TXNL4A: variants seen among roughly 807,000 people sequenced by gnomAD.
The protein encoded by TXNL4A is thioredoxin-like protein 4A.
A neutral mutation model predicts 14.6 loss-of-function variants in TXNL4A; 17 were observed. The observed-to-expected ratio is 1.16, with a 90% CI of 0.80 to 1.74. TXNL4A has a LOEUF of 1.74. TXNL4A is among the 40% of genes most tolerant of loss of function. The pLI is 0.00. For missense variants in TXNL4A, 74 were observed against 195.2 expected (o/e 0.38, Z 3.70); for synonymous variants, 83 against 70.6 (o/e 1.18, Z -0.88).
Position 79,988,236 on chromosome 18 carries a change from C to T in TXNL4A, c.153+4G>A. 6.5e-7 allele frequency: 1 copy of T among 1,532,660 alleles called. No homozygotes were observed. The highest frequency in any genetic ancestry group is 8.9e-7 in the Non-Finnish European group (1 of 1,122,662). The allele number at this position is 1,532,660 out of a possible 1,614,324, so 94.9% of individuals were successfully genotyped here. On this transcript the variant is annotated splice_donor_region_variant and intron_variant, in intron 1 of 2. Coordinates refer to ENST00000269601, the MANE Select transcript of TXNL4A (RefSeq NM_006701.5). ...CCGCAGAGCGGGAGAGTCCGGCGCG[C>T]TACCTTCTCGGCGATGCTGTACAGG...
intron 1 of TXNL4A, among the ~76,000 whole-genome samples, chr18:80,020,606 T>A (rs572410172): frequency 3.3e-5 from 5 of 152,310 alleles, no homozygotes; most frequent in East Asian, 1.9e-4. Flanking sequence ...ACATAAAGAT[T>A]AAACGCCTTC....
intron 1 of TXNL4A, among the ~76,000 whole-genome samples, chr18:80,009,069 GC>G (rs1320599938): frequency 2.0e-5 from 3 of 152,166 alleles, no homozygotes; most frequent in Non-Finnish European, 4.4e-5. Flanking sequence ...GAGCCACTGC[GC>G]CCGGCCTACT....
At chr18:80,023,737 C>T (rs911112809) in intron 1 of TXNL4A, among the ~76,000 whole-genome samples, 1 of 152,138 alleles carries the variant, frequency 6.6e-6, no homozygotes, top group African/African-American at 2.4e-5. Flanking sequence ...ATTGAATTCC[C>T]TGCTTCTAGG....
At chr18:80,019,239 G>A (rs1204837135) in intron 1 of TXNL4A, among the ~76,000 whole-genome samples, 1 of 152,180 alleles carries the variant, frequency 6.6e-6, no homozygotes, top group Non-Finnish European at 1.5e-5. Context: ...ACAAGAAAAG[G>A]TTTAATTGGA....
intron 1 of TXNL4A, among the ~76,000 whole-genome samples, chr18:80,001,959 AG>A (rs1159422162): frequency 1.3e-5 from 2 of 152,168 alleles, no homozygotes; most frequent in African/African-American, 4.8e-5. Context: ...GGGAGGGGCC[AG>A]GGATGCAATG....
chr18:79,974,087 T>C (rs1404638015), intron 2 of TXNL4A, among the ~76,000 whole-genome samples: 1 of 152,144 alleles, frequency 6.6e-6, no homozygotes, highest in East Asian at 1.9e-4. Context: ...TTTCTGTATT[T>C]ATTTAGGACA....
chr18:80,008,016 C>G (rs115133345), intron 1 of TXNL4A, among the ~76,000 whole-genome samples: 2,327 of 152,172 alleles, frequency 0.015, 53 homozygotes, highest in African/African-American at 0.054. Context: ...CCAGGCGTGG[C>G]AGCGCACGCC....
At chr18:79,991,700 C>T (rs535961995), upstream of TXNL4A, among the ~76,000 whole-genome samples, 9 of 152,292 alleles carry the variant, frequency 5.9e-5, no homozygotes, top group African/African-American at 2.2e-4. Context: ...TTGGCTACAC[C>T]ATTTTACATT....
chr18:80,001,401 C>T (rs1200641568), intron 1 of TXNL4A, among the ~76,000 whole-genome samples: 1 of 152,168 alleles, frequency 6.6e-6, no homozygotes, highest in Non-Finnish European at 1.5e-5. Context: ...ACACAGAGTC[C>T]TCACTAGGGC....
At chr18:79,990,244 T>C (rs1448886612), upstream of TXNL4A, among the ~76,000 whole-genome samples, 1 of 152,352 alleles carries the variant, frequency 6.6e-6, no homozygotes, top group East Asian at 1.9e-4. Context: ...CCCAATTATA[T>C]ACGAAATGCT....
chr18:79,977,386 G>C, intron 2 of TXNL4A: 1 of 540,248 alleles, frequency 1.9e-6, no homozygotes, highest in Non-Finnish European at 3.2e-6. Context: ...TTTCAAAAGG[G>C]TAATTTGTTA....
chr18:79,979,982 C>A (rs1175646761), intron 1 of TXNL4A, among the ~76,000 whole-genome samples: 1 of 152,196 alleles, frequency 6.6e-6, no homozygotes, highest in Non-Finnish European at 1.5e-5. Context: ...GACAGCGCAG[C>A]TTATTTGGAA....
intron 2 of TXNL4A, among the ~76,000 whole-genome samples, chr18:79,974,383 T>C (rs1290159960): frequency 1.3e-5 from 2 of 152,260 alleles, no homozygotes; most frequent in Admixed American, 6.5e-5. Flanking sequence ...GTTAGGGAAG[T>C]AGATAATTCT....
chr18:79,973,326 A>C lies in TXNL4A; in HGVS notation c.*359T>G. 5.5e-6 allele frequency: 1 copy of C among 182,374 alleles called. No individual in the cohort carries two copies. The highest frequency in any genetic ancestry group is 1.1e-5 in the Non-Finnish European group (1 of 87,814). 11.3% of individuals were successfully genotyped at this position (182,374 alleles called of 1,614,324 possible). ...CGCCTGCAAAGCTGTGAGAGCACAC[A>C]TCTCTGTTAAAGCCCAGCTCGCGGC... On this transcript the variant is annotated 3_prime_UTR_variant, in exon 3 of 3. Coordinates refer to ENST00000269601, the MANE Select transcript of TXNL4A (RefSeq NM_006701.5).
chr18:80,017,512 CTCT>C (rs2051820022), intron 1 of TXNL4A, among the ~76,000 whole-genome samples: 1 of 151,974 alleles, frequency 6.6e-6, no homozygotes, highest in African/African-American at 2.4e-5. Context: ...TCATAGATAG[CTCT>C]TATTATTTTG....
chr18:80,029,538 G>T (rs1410318290), intron 1 of TXNL4A, among the ~76,000 whole-genome samples: 1 of 152,212 alleles, frequency 6.6e-6, no homozygotes, highest in Non-Finnish European at 1.5e-5. Flanking sequence ...CCAGGTGAAC[G>T]TCACAGCGAC....
chr18:79,986,802 C>A (rs1807599069), intron 1 of TXNL4A: 1 of 981,384 alleles, frequency 1.0e-6, no homozygotes, highest in Non-Finnish European at 1.2e-6. Context: ...AAAGTCAATA[C>A]AGCAGTGATT....
chr18:79,988,531 A>G lies in TXNL4A; in HGVS notation c.-139T>C, dbSNP rs2051593824. ...AATCCGGTCCCGCCCGCACACGCAA[A>G]CTCCGCTGGGACTGCCACCCGGCAG... is the stretch of plus-strand genomic sequence containing the variant. On this transcript the variant is annotated 5_prime_UTR_variant, in exon 1 of 3. Coordinates refer to ENST00000269601, the MANE Select transcript of TXNL4A (RefSeq NM_006701.5). The G allele has an allele frequency of 1.1e-6, 1 of 921,976 alleles. No individual in the cohort carries two copies. Among genetic ancestry groups the G allele is most frequent in the Non-Finnish European group, 1.4e-6 (1 of 704,478 alleles). 57.1% of individuals were successfully genotyped at this position (921,976 alleles called of 1,614,324 possible). A position where few individuals can be genotyped will look rare whatever the true frequency, so the allele number is the denominator to read the frequency against.
At chr18:79,985,709 G>C (rs1024523386) in intron 1 of TXNL4A, 1 of 152,182 alleles carries the variant, frequency 6.6e-6, no homozygotes, top group African/African-American at 2.4e-5. Context: ...ATGAAGTCAA[G>C]TGGGCCCTGT....
Sources: allele counts gnomAD v4.1 joint callset (sites outside exome capture counted in the v4.1 genomes callset), GRCh38; gene constraint gnomAD v4.1.1; transcripts MANE v1.5; gene names NCBI Gene and HGNC (gene_info 2026-07-23, HGNC 2026-07-21).